PPWD1: variants seen among roughly 807,000 people sequenced by gnomAD.
PPWD1 encodes the protein peptidylprolyl isomerase domain and WD repeat-containing protein 1.
In PPWD1, 43 loss-of-function variants were observed where a neutral mutation model predicts 68.8. The ratio of observed to expected loss-of-function variants is 0.62; its 90% CI spans 0.49 to 0.81. The LOEUF (loss-of-function observed/expected upper bound fraction) is 0.81, where lower values mean the gene tolerates loss of function less well. Ranked by LOEUF, PPWD1 falls within the 30% of genes least tolerant of loss-of-function variation. PPWD1 has a pLI of 0.00. For missense variants in PPWD1, 672 were observed against 804.8 expected (o/e 0.83, Z 2.00); for synonymous variants, 232 against 258.7 (o/e 0.90, Z 0.99).
chr5:65,578,804 ATG>A (rs1306403976), intron 6 of PPWD1, among the ~76,000 whole-genome samples: 15 of 146,472 alleles, frequency 1.0e-4, no homozygotes, highest in South Asian at 4.2e-4. Flanking sequence ...ATACATATAT[ATG>A]TGTATATATA....
At position 65,583,064 on chromosome 5, in the gene PPWD1, G is replaced by T. The variant is rs201915198; in HGVS notation, c.1377G>T (p.Thr459=). Residue 459 remains threonine (T), a synonymous_variant, in exon 8 of 11, where the codon ACG becomes ACT. Coordinates refer to ENST00000261308, the MANE Select transcript of PPWD1 (RefSeq NM_015342.4). ...TTACCAAACGAGAACCAGAAGATAC[G>T]AAAAGTGCAGATTCTGATCGAGATG... ...YMFTKREPED[T]KSADSDRDVF... 27 of 1,596,912 alleles carry T rather than the reference G, an allele frequency of 1.7e-5. No individual in the cohort carries two copies. The highest frequency in any genetic ancestry group is 1.6e-4 in the African/African-American group (12 of 74,146).
At chr5:65,573,204 T>C (rs905483144) in intron 5 of PPWD1, among the ~76,000 whole-genome samples, 6 of 152,180 alleles carry the variant, frequency 3.9e-5, no homozygotes, top group African/African-American at 7.2e-5. Flanking sequence ...CCATTACCTA[T>C]TGAACTGGTA....
At chr5:65,578,094 A>G (rs557387570) in intron 6 of PPWD1, among the ~76,000 whole-genome samples, 2 of 152,354 alleles carry the variant, frequency 1.3e-5, no homozygotes, top group South Asian at 2.1e-4. Context: ...AGCTAAAATC[A>G]TACAGTATGT....
In PPWD1 at chr5:65,576,970, A is replaced by G; in HGVS notation, c.1061A>G (p.Asp354Gly). The G allele has an allele frequency of 6.2e-7, 1 of 1,614,176 alleles. No individual in the cohort carries two copies. The highest frequency in any genetic ancestry group is 8.5e-7 in the Non-Finnish European group (1 of 1,180,010). The change falls in exon 6 of 11, where the codon GAT becomes GGT. Residue 354 changes from aspartate to glycine, a missense_variant. Transcript: ENST00000261308. ...GTAGAACGTGAGTTGGAGAAGGTTGATGCTGTAAGATTAATTAATATAGTT... is the reference window on the plus strand; with the variant it reads ...GTAGAACGTGAGTTGGAGAAGGTTGGTGCTGTAAGATTAATTAATATAGTT... ...MAVERELEKV[D>G]AVRLINIVFD... is the part of the protein sequence containing the mutation.
chr5:65,577,121 T>C (rs1431488321), intron 6 of PPWD1, 52 bp downstream of exon 6: 1 of 1,555,464 alleles, frequency 6.4e-7, no homozygotes. Context: ...TGGGGGACCA[T>C]TTCCTCCATC....
intron 2 of PPWD1, chr5:65,569,056 G>C (rs575371079): frequency 4.4e-6 from 2 of 455,012 alleles, no homozygotes; most frequent in South Asian, 3.1e-5. Context: ...AAAATACGTA[G>C]AGTTGCTGTA....
chr5:65,570,095 C>CATATCTTTAAATA, intron 4 of PPWD1, 97 bp downstream of exon 4: 1 of 1,236,116 alleles, frequency 8.1e-7, no homozygotes, highest in Non-Finnish European at 1.1e-6. Context: ...AGTATATTAC[C>CATATCTTTAAATA]ATATCTTTAA....
chr5:65,578,332 T>A (rs1753405827), intron 6 of PPWD1, among the ~76,000 whole-genome samples: 2 of 152,234 alleles, frequency 1.3e-5, no homozygotes, highest in African/African-American at 2.4e-5. Flanking sequence ...TGTAGTCATT[T>A]CAGCTCCTTT....
intron 7 of PPWD1, chr5:65,582,632 C>A (rs1753644139): frequency 6.3e-6 from 1 of 159,030 alleles, no homozygotes; most frequent in African/African-American, 2.4e-5. Context: ...GAATTCACAT[C>A]CCCAAAGTCG....
At chr5:65,584,914 A>G in intron 8 of PPWD1, 100 bp from the exon 9 acceptor site, 1 of 1,474,366 alleles carries the variant, frequency 6.8e-7, no homozygotes, top group South Asian at 1.4e-5. Flanking sequence ...AAACATTCAG[A>G]AGACATGGAA....
chr5:65,568,443 A>G (rs1455027131), intron 2 of PPWD1, among the ~76,000 whole-genome samples: 1 of 152,310 alleles, frequency 6.6e-6, no homozygotes, highest in East Asian at 1.9e-4. Context: ...GCTGCTATTT[A>G]AAAGGCAAGG....
intron 2 of PPWD1, chr5:65,568,808 G>A (rs144623996): frequency 2.8e-4 from 96 of 345,228 alleles, no homozygotes; most frequent in African/African-American, 2.0e-3. Context: ...CCAAATATTA[G>A]CACCTTTTCT....
rs1178170757 is a variant in PPWD1, at chr5:65,583,078, CTGATCGAGA to C, written c.1394_1402del (p.Asp465_Asp467del). 34 of 1,610,176 alleles carry C rather than the reference CTGATCGAGA, an allele frequency of 2.1e-5. No individual in the cohort carries two copies. The highest frequency in any genetic ancestry group is 2.6e-5 in the Non-Finnish European group (31 of 1,178,582). On this transcript the variant is annotated inframe_deletion, in exon 8 of 11. Coordinates refer to ENST00000261308, the MANE Select transcript of PPWD1 (RefSeq NM_015342.4). ...CCAGAAGATACGAAAAGTGCAGATT[CTGATCGAGA>C]TGTTTTTAATGAGAAACCTTCTAAA... is the stretch of plus-strand genomic sequence containing the variant.
At chr5:65,584,461 G>A (rs892391096) in intron 8 of PPWD1, among the ~76,000 whole-genome samples, 1 of 152,208 alleles carries the variant, frequency 6.6e-6, no homozygotes, top group Admixed American at 6.5e-5. Context: ...CCAAGAGTAT[G>A]TCGCTGTAGC....
intron 7 of PPWD1, among the ~76,000 whole-genome samples, chr5:65,580,575 G>T (rs1384189090): frequency 6.6e-6 from 1 of 152,116 alleles, no homozygotes; most frequent in South Asian, 2.1e-4. Flanking sequence ...GTGCAGTGAC[G>T]TGACTTCAGC....
At chr5:65,567,730 C>G in intron 2 of PPWD1, 115 bp downstream of exon 2, 1 of 1,367,122 alleles carries the variant, frequency 7.3e-7, no homozygotes, top group East Asian at 2.6e-5. Flanking sequence ...TTTTTAATTT[C>G]TTAAGTTCTG....
chr5:65,566,019 T>C (rs1480175188), intron 1 of PPWD1, among the ~76,000 whole-genome samples: 1 of 152,216 alleles, frequency 6.6e-6, no homozygotes, highest in Non-Finnish European at 1.5e-5. Flanking sequence ...GACATGATTA[T>C]ATAGCACTAT....
intron 4 of PPWD1, 114 bp downstream of exon 4, chr5:65,570,112 T>C: frequency 2.5e-6 from 3 of 1,215,340 alleles, no homozygotes; most frequent in Non-Finnish European, 3.3e-6. Flanking sequence ...TTAAATAAAA[T>C]GTGCTGTTGG....
chr5:65,569,504 A>C, intron 2 of PPWD1, 128 bp from the exon 3 acceptor site: 2 of 1,143,954 alleles, frequency 1.7e-6, no homozygotes, highest in Non-Finnish European at 2.3e-6. Context: ...GTCTGCTTAA[A>C]GAAGGGTTTT....
Sources: allele counts gnomAD v4.1 joint callset (sites outside exome capture counted in the v4.1 genomes callset), GRCh38; gene constraint gnomAD v4.1.1; transcripts MANE v1.5; gene names NCBI Gene and HGNC (gene_info 2026-07-23, HGNC 2026-07-21).